Variants in STAG1 observed in about 807,000 individuals in gnomAD.
The protein encoded by STAG1 is cohesin subunit SA-1.
STAG1 carries 26 observed loss-of-function variants against 170.9 expected under a neutral mutation model. The observed-to-expected ratio is 0.15, with a 90% confidence interval of 0.11 to 0.21. STAG1 has a LOEUF of 0.21. Ranked by LOEUF, STAG1 falls within the 10% of genes least tolerant of loss-of-function variation. The pLI is 1.00. For synonymous variants in STAG1, 514 were observed against 497.7 expected, an observed-to-expected ratio of 1.03 and a Z score of -0.44; for missense variants, 964 against 1,509.5, an observed-to-expected ratio of 0.64 and a Z score of 5.99.
chr3:136,527,795 CT>C (rs1439116898), intron 6 of STAG1, among the ~76,000 whole-genome samples: 2 of 152,066 alleles, frequency 1.3e-5, no homozygotes, highest in African/African-American at 4.8e-5. Context: ...GTTAGTTTTC[CT>C]TCTTACAGTC....
At chr3:136,623,558 G>A (rs1311425028) in intron 2 of STAG1, among the ~76,000 whole-genome samples, 4 of 152,058 alleles carry the variant, frequency 2.6e-5, no homozygotes, top group Non-Finnish European at 5.9e-5. Context: ...AAATATGAAG[G>A]CTTAGGAATA....
intron 4 of STAG1, among the ~76,000 whole-genome samples, chr3:136,576,077 T>TA (rs1388595251): frequency 1.3e-5 from 2 of 152,168 alleles, no homozygotes; most frequent in African/African-American, 4.8e-5. Context: ...TTTACTATTT[T>TA]AAAAACCCCA....
chr3:136,386,609 G>GA (rs2086879943), intron 22 of STAG1, among the ~76,000 whole-genome samples: 1 of 152,034 alleles, frequency 6.6e-6, no homozygotes, highest in Non-Finnish European at 1.5e-5. Flanking sequence ...AAAAACAGAA[G>GA]TATATAGATT....
At chr3:136,620,512 C>A (rs1939794922) in intron 3 of STAG1, among the ~76,000 whole-genome samples, 1 of 152,202 alleles carries the variant, frequency 6.6e-6, no homozygotes, top group Admixed American at 6.5e-5. Flanking sequence ...TGACCTTAGG[C>A]AAATTACCAC....
chr3:136,736,514 T>C, intron 1 of STAG1: 1 of 1,426,298 alleles, frequency 7.0e-7, no homozygotes, highest in Non-Finnish European at 9.9e-7. Context: ...GCTCCATTTT[T>C]ACTTTCGGTG....
At chr3:136,655,647 C>T (rs1941346348) in intron 1 of STAG1, among the ~76,000 whole-genome samples, 1 of 152,112 alleles carries the variant, frequency 6.6e-6, no homozygotes, top group South Asian at 2.1e-4. Context: ...CCGGTAGTTC[C>T]AGCTACTCAG....
chr3:136,347,609 C>A (rs1936280618), intron 29 of STAG1, among the ~76,000 whole-genome samples: 1 of 151,768 alleles, frequency 6.6e-6, no homozygotes, highest in Non-Finnish European at 1.5e-5. Context: ...TTCTTTTATT[C>A]CTTTTGAAAT....
At chr3:136,725,661 G>T (rs911362378) in intron 1 of STAG1, among the ~76,000 whole-genome samples, 2 of 152,076 alleles carry the variant, frequency 1.3e-5, no homozygotes, top group South Asian at 4.1e-4. Flanking sequence ...CATATGCCAC[G>T]CAATACAAAT....
intron 9 of STAG1, among the ~76,000 whole-genome samples, chr3:136,485,330 A>T (rs1480991600): frequency 2.0e-5 from 3 of 151,952 alleles, no homozygotes; most frequent in African/African-American, 7.3e-5. Flanking sequence ...GGTGGTGGGC[A>T]CCTGTAGTCC....
At chr3:136,386,940 G>C (rs1401749883) in intron 22 of STAG1, among the ~76,000 whole-genome samples, 1 of 152,080 alleles carries the variant, frequency 6.6e-6, no homozygotes, top group African/African-American at 2.4e-5. Flanking sequence ...GAAATAAACA[G>C]TAAAGTAGCA....
rs574662172 is a variant in STAG1, at chr3:136,624,322, G to A, written c.30-1074C>T. Among the ~76,000 whole-genome samples the A allele has an allele frequency of 3.9e-5, 6 of 152,058 alleles. No homozygotes were observed. In the South Asian group the frequency reaches 6.2e-4, roughly 16 times the overall value. ...TCACCGTGTTAGCCAGGATGGTCTCGATCTCCTGACCTCATGATCCACCTG... is the reference window on the plus strand; with the variant it reads ...TCACCGTGTTAGCCAGGATGGTCTCAATCTCCTGACCTCATGATCCACCTG... On this transcript the variant is annotated intron_variant, in intron 2 of 33. Transcript: ENST00000383202.
rs567121125 is a variant in STAG1, at chr3:136,502,858, G to A, written c.677-79C>T. ...AGATTACAAATTTATAAAGCCAATG[G>A]ATGAAGAAATGAAACTAGTGAATTT... On this transcript the variant is annotated intron_variant, in intron 7 of 33. Coordinates refer to ENST00000383202, the MANE Select transcript of STAG1 (RefSeq NM_005862.3). 1.1e-3 allele frequency: 1,299 copies of A among 1,157,254 alleles called. 1 individual carries two copies. The highest frequency in any genetic ancestry group is 1.3e-3 in the Non-Finnish European group (1,177 of 886,398). The allele number at this position is 1,157,254 out of a possible 1,614,324, so 71.7% of individuals were successfully genotyped here.
rs576009223 is a variant in STAG1 at position 136,666,074 on chromosome 3, CAAAAAAAAAAAAAAAAAAAA to C, written c.-83-35113_-83-35094del. ...TGGGCGATAGAGTGAGACTCCATCT[CAAAAAAAAAAAAAAAAAAAA>C]AAAAAAAAAAAAAAAAAGAAAGAAA... On this transcript the variant is annotated intron_variant, in intron 1 of 33. Transcript: ENST00000383202. 1.0e-3 allele frequency among the ~76,000 whole-genome samples: 52 copies of C among 51,174 alleles called. No homozygotes were observed. The South Asian group carries it at 0.013, about 13-fold the overall frequency. 33.6% of individuals were successfully genotyped at this position (51,174 alleles called of 152,430 possible).
chr3:136,375,372 G>A (rs1464167806), intron 23 of STAG1, among the ~76,000 whole-genome samples: 2 of 152,156 alleles, frequency 1.3e-5, no homozygotes, highest in Non-Finnish European at 2.9e-5. Flanking sequence ...TGGGATAATT[G>A]AGGGCTCTGA....
At chr3:136,450,324 T>G (rs997912494) in intron 14 of STAG1, among the ~76,000 whole-genome samples, 1 of 152,200 alleles carries the variant, frequency 6.6e-6, no homozygotes, top group Non-Finnish European at 1.5e-5. Flanking sequence ...GAATAAGAAC[T>G]GGCATTTTAA....
chr3:136,624,097 A>G (rs1939982193), intron 2 of STAG1, among the ~76,000 whole-genome samples: 1 of 151,814 alleles, frequency 6.6e-6, no homozygotes, highest in African/African-American at 2.4e-5. Context: ...CCCAACTCTT[A>G]TATTGGAATC....
At chr3:136,523,362 G>A (rs1233281262) in intron 6 of STAG1, among the ~76,000 whole-genome samples, 1 of 152,160 alleles carries the variant, frequency 6.6e-6, no homozygotes, top group African/African-American at 2.4e-5. Context: ...CTGCATAAAT[G>A]TCTTCTTTTG....
At chr3:136,358,015 TA>T (rs1936720447) in intron 27 of STAG1, among the ~76,000 whole-genome samples, 167 bp from the exon 28 acceptor site, 1 of 151,926 alleles carries the variant, frequency 6.6e-6, no homozygotes, top group African/African-American at 2.4e-5. Context: ...TATTTGTGTA[TA>T]TTTATAGTAT....
At chr3:136,427,707 G>A (rs2088173114) in intron 16 of STAG1, among the ~76,000 whole-genome samples, 2 of 150,684 alleles carry the variant, frequency 1.3e-5, no homozygotes, top group South Asian at 4.2e-4. Flanking sequence ...ATACTAGCAG[G>A]TGCAAAAACC....
Sources: allele counts gnomAD v4.1 joint callset (sites outside exome capture counted in the v4.1 genomes callset), GRCh38; gene constraint gnomAD v4.1.1; transcripts MANE v1.5; gene names NCBI Gene and HGNC (gene_info 2026-07-23, HGNC 2026-07-21).